The following SLC23A2 variants were observed in gnomAD, a reference collection of about 807,000 sequenced individuals.
The protein encoded by SLC23A2 is solute carrier family 23 member 2.
Under a neutral mutation model 73.3 loss-of-function variants are expected in SLC23A2, and 36 were observed. That is an observed-to-expected ratio of 0.49 (90% CI 0.38 to 0.65). SLC23A2 has a LOEUF of 0.65. Among genes scored for constraint, SLC23A2 ranks in the 30% least tolerant of loss-of-function variants. The pLI, the probability that SLC23A2 is intolerant of heterozygous loss-of-function variation, is 0.00. For missense variants in SLC23A2, 507 were observed against 841.6 expected (o/e 0.60, Z 4.92); for synonymous variants, 343 against 327.3 (o/e 1.05, Z -0.52).
intron 1 of SLC23A2, among the ~76,000 whole-genome samples, chr20:4,977,611 T>A (rs1199146138): frequency 6.7e-6 from 1 of 150,028 alleles, no homozygotes; most frequent in African/African-American, 2.5e-5. Context: ...GGCAGGAGAA[T>A]CACCTGAAAT....
At chr20:4,878,919 C>A (rs558076912) in intron 9 of SLC23A2, among the ~76,000 whole-genome samples, 1 of 152,316 alleles carries the variant, frequency 6.6e-6, no homozygotes, top group South Asian at 2.1e-4. Context: ...CATCCCCTCT[C>A]CTCTCTGATC....
chr20:4,891,450 G>GC (rs965611974), intron 6 of SLC23A2, among the ~76,000 whole-genome samples: 16 of 152,136 alleles, frequency 1.1e-4, no homozygotes, highest in Non-Finnish European at 2.1e-4. Flanking sequence ...CTTGGCTGAG[G>GC]CAAGAGGGTC....
rs774402257 is a variant in SLC23A2, at chr20:4,861,900, G to A, written c.1624+48C>T. The A allele has an allele frequency of 2.1e-5, 33 of 1,602,144 alleles. No homozygotes were observed. The South Asian group carries it at 2.3e-4, about 11-fold the overall frequency. ...GGCAAAGAGCTGCGTGTGGACTGGC[G>A]GCTGTGGTTCCAGCTCCCACTCCAA... On this transcript the variant is annotated intron_variant, in intron 15 of 16. Coordinates refer to ENST00000338244, the MANE Select transcript of SLC23A2 (RefSeq NM_005116.6).
chr20:4,898,406 G>A (rs1218175472), intron 6 of SLC23A2, among the ~76,000 whole-genome samples: 1 of 152,220 alleles, frequency 6.6e-6, no homozygotes, highest in East Asian at 1.9e-4. Flanking sequence ...CCGCGTTAGG[G>A]CAACCCTGAG....
intron 1 of SLC23A2, among the ~76,000 whole-genome samples, chr20:5,007,516 G>A (rs2088204167): frequency 6.6e-6 from 1 of 152,168 alleles, no homozygotes; most frequent in African/African-American, 2.4e-5. Flanking sequence ...GGGCAATAGA[G>A]CAAGACTCAG....
intron 2 of SLC23A2, among the ~76,000 whole-genome samples, chr20:4,968,975 C>G (rs996405594): frequency 6.6e-6 from 1 of 152,046 alleles, no homozygotes; most frequent in African/African-American, 2.4e-5. Flanking sequence ...CCCACCTTGG[C>G]CTCCCAAAGT....
At chr20:4,945,771 G>A (rs1269730970) in intron 2 of SLC23A2, among the ~76,000 whole-genome samples, 1 of 152,174 alleles carries the variant, frequency 6.6e-6, no homozygotes, top group Non-Finnish European at 1.5e-5. Context: ...CAGGGGAAAA[G>A]AGTCTGCAAG....
chr20:4,935,174 G>A (rs559379514), intron 2 of SLC23A2, among the ~76,000 whole-genome samples: 133 of 123,994 alleles, frequency 1.1e-3, no homozygotes, highest in African/African-American at 3.5e-3. Flanking sequence ...GCGACAGAGC[G>A]AGACTCCGTC....
intron 3 of SLC23A2, among the ~76,000 whole-genome samples, chr20:4,921,019 G>A (rs1231472588): frequency 6.6e-6 from 1 of 152,168 alleles, no homozygotes; most frequent in African/African-American, 2.4e-5. Flanking sequence ...GAAGTGTTTG[G>A]CTTCACTGAA....
chr20:5,009,574 T>C (rs1396606970), intron 1 of SLC23A2, among the ~76,000 whole-genome samples: 1 of 152,212 alleles, frequency 6.6e-6, no homozygotes, highest in East Asian at 1.9e-4. Flanking sequence ...GCTCCTCACG[T>C]GGTGCCTACC....
At chr20:4,884,651 A>C in intron 8 of SLC23A2, 102 bp downstream of exon 8, 1 of 779,686 alleles carries the variant, frequency 1.3e-6, no homozygotes, top group East Asian at 2.5e-5. Flanking sequence ...TGAAAAAGAA[A>C]AGAAGGGCTC....
chr20:4,995,180 G>A (rs902130339), intron 1 of SLC23A2, among the ~76,000 whole-genome samples: 3 of 152,104 alleles, frequency 2.0e-5, no homozygotes, highest in Non-Finnish European at 4.4e-5. Flanking sequence ...ATGTGTGAGC[G>A]TTGAGGTGGT....
intron 2 of SLC23A2, among the ~76,000 whole-genome samples, chr20:4,967,841 C>T (rs535362333): frequency 1.3e-5 from 2 of 152,326 alleles, no homozygotes; most frequent in South Asian, 2.1e-4. Flanking sequence ...AGTCTGCAGG[C>T]TTCAGGCACC....
At chr20:4,966,344 G>C (rs1474315718) in intron 2 of SLC23A2, among the ~76,000 whole-genome samples, 2 of 152,104 alleles carry the variant, frequency 1.3e-5, no homozygotes, top group East Asian at 1.9e-4. Flanking sequence ...AAAAATCCAA[G>C]AGCTTGGAAG....
intron 1 of SLC23A2, among the ~76,000 whole-genome samples, chr20:5,006,547 TTTTA>T (rs78731557): frequency 3.0e-4 from 44 of 147,624 alleles, no homozygotes; most frequent in South Asian, 1.8e-3. Flanking sequence ...GTAAAAGCCA[TTTTA>T]TTTATTTATT....
At chr20:4,985,096 C>T (rs1315095818) in intron 1 of SLC23A2, among the ~76,000 whole-genome samples, 1 of 148,552 alleles carries the variant, frequency 6.7e-6, no homozygotes, top group Non-Finnish European at 1.5e-5. Flanking sequence ...GAGATGGCGC[C>T]ACTGCACTCC....
At chr20:4,999,709 C>T (rs1465841851) in intron 1 of SLC23A2, among the ~76,000 whole-genome samples, 1 of 152,068 alleles carries the variant, frequency 6.6e-6, no homozygotes, top group Non-Finnish European at 1.5e-5. Flanking sequence ...CTTCAATAGG[C>T]ATTTTTTAAA....
chr20:4,982,186 G>T (rs1356825412), intron 1 of SLC23A2, among the ~76,000 whole-genome samples: 1 of 149,584 alleles, frequency 6.7e-6, no homozygotes, highest in Admixed American at 6.7e-5. Context: ...GTAGAGACGG[G>T]GTTTCACCAT....
chr20:4,942,567 C>A (rs552580736), intron 2 of SLC23A2, among the ~76,000 whole-genome samples: 1 of 152,276 alleles, frequency 6.6e-6, no homozygotes, highest in South Asian at 2.1e-4. Context: ...CGCACAAATG[C>A]AGAAGCTTTT....
Sources: allele counts gnomAD v4.1 joint callset (sites outside exome capture counted in the v4.1 genomes callset), GRCh38; gene constraint gnomAD v4.1.1; transcripts MANE v1.5; gene names NCBI Gene and HGNC (gene_info 2026-07-23, HGNC 2026-07-21).